CHST4: variants seen among roughly 807,000 people sequenced by gnomAD.
The protein encoded by CHST4 is carbohydrate sulfotransferase 4, also known as GST-3.
For missense variants in CHST4, 466 were observed against 506.0 expected (o/e 0.92, Z 0.76); for synonymous variants, 171 against 195.5 (o/e 0.87, Z 1.05).
chr16:71,530,025 C>A (rs998129972), intron 1 of CHST4, among the ~76,000 whole-genome samples: 2 of 152,104 alleles, frequency 1.3e-5, no homozygotes, highest in Non-Finnish European at 1.5e-5. Flanking sequence ...GTAATCCCAG[C>A]TCCTGGGGAG....
Position 71,536,832 on chromosome 16 carries a change from G to C in CHST4, c.155G>C (p.Arg52Pro). Residue 52 changes from arginine to proline, a missense_variant, in exon 2 of 2, where the codon CGC (arginine) becomes CCC (proline). Arg to Pro is a moderately radical substitution (Grantham distance 103). Transcript: ENST00000539698. ...RMHVLVLSSW[R>P]SGSSFVGQLF... Reference sequence around the variant, plus strand: ...CACGTGCTGGTTCTGTCTTCCTGGCGCTCTGGCTCTTCTTTTGTGGGGCAG... The same window carrying C: ...CACGTGCTGGTTCTGTCTTCCTGGCCCTCTGGCTCTTCTTTTGTGGGGCAG... 1 of 1,541,250 alleles carries C rather than the reference G, an allele frequency of 6.5e-7. No homozygotes were observed. The highest frequency in any genetic ancestry group is 1.4e-5 in the African/African-American group (1 of 72,662).
At chr16:71,533,698 C>T (rs148495898) in intron 1 of CHST4, among the ~76,000 whole-genome samples, 143 of 152,194 alleles carry the variant, frequency 9.4e-4, no homozygotes, top group Middle Eastern at 3.4e-3. Flanking sequence ...CTAGAAGTTT[C>T]CTAATTTCTG....
At chr16:71,533,169 A>C (rs1480016052) in intron 1 of CHST4, among the ~76,000 whole-genome samples, 1 of 152,186 alleles carries the variant, frequency 6.6e-6, no homozygotes, top group Non-Finnish European at 1.5e-5. Flanking sequence ...ATGCCTATAT[A>C]ATCCCAGCAC....
chr16:71,537,676 T>C lies in CHST4; in HGVS notation c.999T>C (p.Ala333=). The C allele has an allele frequency of 1.2e-6, 2 of 1,614,240 alleles. No homozygotes were observed. The highest frequency in any genetic ancestry group is 1.7e-6 in the Non-Finnish European group (2 of 1,180,040). ...GGGATGCCCTTAATGTCTCCCAGGC[T>C]TGGCGCTGGTCTTTGCCCTATGAAA... ...NARDALNVSQ[A]WRWSLPYEKV... Residue 333 remains alanine (A), a synonymous_variant, in exon 2 of 2, where the codon GCT becomes GCC. Transcript: ENST00000539698. This position sits in a 1 kb window ranked among gnomAD's most constrained non-coding sequence, Gnocchi z 4.2.
At chr16:71,533,196 G>A (rs1035219885) in intron 1 of CHST4, among the ~76,000 whole-genome samples, 9 of 152,004 alleles carry the variant, frequency 5.9e-5, no homozygotes, top group Admixed American at 2.0e-4. Context: ...AGGCTGAGGC[G>A]GGCAGACAAC....
chr16:71,535,752 G>A (rs887926513), intron 1 of CHST4, among the ~76,000 whole-genome samples: 1 of 152,094 alleles, frequency 6.6e-6, no homozygotes. Context: ...CTTAGAGTTG[G>A]CAGGTAAGGA....
intron 1 of CHST4, among the ~76,000 whole-genome samples, chr16:71,527,862 A>G (rs1197205064): frequency 6.6e-6 from 1 of 152,092 alleles, no homozygotes; most frequent in Non-Finnish European, 1.5e-5. Context: ...TTCAGAGAGA[A>G]TAGGTTGTAA....
chr16:71,537,669 C>T lies in CHST4; in HGVS notation c.992C>T (p.Ser331Phe). Residue 331 changes from serine to phenylalanine, a missense_variant, in exon 2 of 2, where the codon TCC (serine) becomes TTC (phenylalanine). By Grantham distance (155) the Ser-to-Phe change is radical. Coordinates refer to ENST00000539698, the MANE Select transcript of CHST4 (RefSeq NM_001166395.2). This position sits in a 1 kb window ranked among gnomAD's most constrained non-coding sequence, Gnocchi z 4.2. ...HTNARDALNV[S>F]QAWRWSLPYE... ...AATGCCAGGGATGCCCTTAATGTCT[C>T]CCAGGCTTGGCGCTGGTCTTTGCCC... is the stretch of plus-strand genomic sequence containing the variant. 1 of 1,614,190 alleles carries T rather than the reference C, an allele frequency of 6.2e-7. No homozygotes were observed. The highest frequency in any genetic ancestry group is 1.1e-5 in the South Asian group (1 of 91,082).
At position 71,538,317 on chromosome 16, in the gene CHST4, C is replaced by G. The variant is rs1399850576; in HGVS notation, c.*479C>G. On this transcript the variant is annotated 3_prime_UTR_variant, in exon 2 of 2. Coordinates refer to ENST00000539698, the MANE Select transcript of CHST4 (RefSeq NM_001166395.2). ...AGGAAGTGGGAACAAGGTTGGATGC[C>G]TACTTATGAGCTTGACCATCACAGC... 1 of 172,350 alleles carries G rather than the reference C, an allele frequency of 5.8e-6. No homozygotes were observed. The highest frequency in any genetic ancestry group is 1.4e-5 in the Non-Finnish European group (1 of 71,560). 10.7% of individuals were successfully genotyped at this position (172,350 alleles called of 1,614,324 possible). A position where few individuals can be genotyped will look rare whatever the true frequency, so the allele number is the denominator to read the frequency against.
chr16:71,537,846 G>A lies in CHST4; in HGVS notation c.*8G>A, dbSNP rs766097253. On this transcript the variant is annotated 3_prime_UTR_variant, in exon 2 of 2. Coordinates refer to ENST00000539698, the MANE Select transcript of CHST4 (RefSeq NM_001166395.2). The surrounding 1 kb of genome is among the most constrained non-coding windows in gnomAD (Gnocchi z 4.2). Reference sequence around the variant, plus strand: ...CCTGAGCAAATCCACTAAGAGGGTTGAGAAGGCTTTGCTGCCACCTGGTGT... The same window carrying A: ...CCTGAGCAAATCCACTAAGAGGGTTAAGAAGGCTTTGCTGCCACCTGGTGT... 1.3e-6 allele frequency: 2 copies of A among 1,597,982 alleles called. No individual in the cohort carries two copies. Among genetic ancestry groups the A allele is most frequent in the Non-Finnish European group, 1.7e-6 (2 of 1,172,596 alleles).
At chr16:71,532,146 C>T (rs907044111) in intron 1 of CHST4, among the ~76,000 whole-genome samples, 4 of 147,002 alleles carry the variant, frequency 2.7e-5, no homozygotes, top group Non-Finnish European at 5.9e-5. Flanking sequence ...CTCCTGGGTT[C>T]ACGCCGTTCT....
At chr16:71,534,099 T>A (rs2043969167) in intron 1 of CHST4, among the ~76,000 whole-genome samples, 1 of 151,922 alleles carries the variant, frequency 6.6e-6, no homozygotes, top group Admixed American at 6.6e-5. Context: ...GCCTGGGGTG[T>A]GTCAGGCTGG....
rs778399782 is a variant in CHST4, at chr16:71,537,299, C to T, written c.622C>T (p.Arg208Trp). The stretch of plus-strand genomic sequence containing the variant: ...TATCGTGCACCTGGTCCGGGACCCC[C>T]GGGCCGTGTTCCGTTCCCGAGAACG... ...LHIVHLVRDPRAVFRSRERTK... is the reference protein window; with the variant it reads ...LHIVHLVRDPWAVFRSRERTK... The change falls in exon 2 of 2, where the codon CGG (arginine) becomes TGG (tryptophan). Residue 208 changes from arginine (R) to tryptophan (W), a missense_variant. By Grantham distance (101) the Arg-to-Trp change is moderately radical. Transcript: ENST00000539698. This position sits in a 1 kb window ranked among gnomAD's most constrained non-coding sequence, Gnocchi z 4.2. The T allele has an allele frequency of 8.7e-6, 14 of 1,614,058 alleles. No individual in the cohort carries two copies. In the East Asian group the frequency reaches 1.8e-4, roughly 21 times the overall value.
intron 1 of CHST4, among the ~76,000 whole-genome samples, chr16:71,535,684 C>G (rs1300555363): frequency 6.6e-6 from 1 of 152,000 alleles, no homozygotes; most frequent in Non-Finnish European, 1.5e-5. Context: ...ACAAGTGTCC[C>G]CAGTGAGAGT....
chr16:71,531,889 A>G (rs1328854741), intron 1 of CHST4, among the ~76,000 whole-genome samples: 3 of 151,942 alleles, frequency 2.0e-5, no homozygotes, highest in Non-Finnish European at 4.4e-5. Flanking sequence ...TCATACTCAC[A>G]TTGCCCTTAG....
At position 71,537,367 on chromosome 16, in the gene CHST4, G is replaced by A. The variant is rs2043999309; in HGVS notation, c.690G>A (p.Gly230=). The stretch of plus-strand genomic sequence containing the variant: ...TGATTGACAGTCGCATTGTGATGGG[G>A]CAGCATGAGCAAAAACTCAAGAAGG... ...DLMIDSRIVM[G]QHEQKLKKED... Residue 230 remains glycine, a synonymous_variant, in exon 2 of 2, where the codon GGG becomes GGA. Transcript: ENST00000539698. This position sits in a 1 kb window ranked among gnomAD's most constrained non-coding sequence, Gnocchi z 4.2. 3 of 1,614,104 alleles carry A rather than the reference G, an allele frequency of 1.9e-6. No individual in the cohort carries two copies. The highest frequency in any genetic ancestry group is 1.1e-5 in the South Asian group (1 of 91,074).
At chr16:71,530,759 G>C (rs1308745125) in intron 1 of CHST4, among the ~76,000 whole-genome samples, 1 of 150,240 alleles carries the variant, frequency 6.7e-6, no homozygotes, top group Non-Finnish European at 1.5e-5. Context: ...GGGCAACAGA[G>C]TGAGACCCCC....
chr16:71,533,439 A>C (rs1295920758), intron 1 of CHST4, among the ~76,000 whole-genome samples: 1 of 144,536 alleles, frequency 6.9e-6, no homozygotes, highest in Non-Finnish European at 1.5e-5. Flanking sequence ...AAAAAAAAAA[A>C]AACAAAAAAA....
chr16:71,529,372 C>G (rs1440450970), intron 1 of CHST4, among the ~76,000 whole-genome samples: 1 of 151,842 alleles, frequency 6.6e-6, no homozygotes, highest in Non-Finnish European at 1.5e-5. Flanking sequence ...GTAACTGAGA[C>G]GGCATGGGTA....
Sources: gnomAD v4.1 joint callset for allele counts (sites outside exome capture counted in the v4.1 genomes callset) on GRCh38, gnomAD v4.1.1 for gene constraint, Gnocchi (gnomAD v3.1) non-coding constraint, MANE v1.5 for transcripts, NCBI Gene and HGNC (gene_info 2026-07-23, HGNC 2026-07-21) for gene names.